XIST: variants seen among roughly 807,000 people sequenced by gnomAD.
XIST encodes the protein X inactive specific transcript (non-protein coding).
At chrX:73,846,437 C>T (rs773533868) in exon 1 of XIST, 1 of 556,721 alleles carries the variant, frequency 1.8e-6, no homozygotes, top group Admixed American at 2.2e-5. Context: ...GCATAGGATC[C>T]CAGACGATTA....
exon 6 of XIST, chrX:73,823,294 C>G (rs757830432): frequency 1.3e-5 from 6 of 477,323 alleles, no homozygotes; most frequent in South Asian, 1.1e-4. Flanking sequence ...TTGAAAGAAA[C>G]TTGCATTTTT....
At chrX:73,844,563 T>C (rs780171186) in exon 1 of XIST, 11 of 557,600 alleles carry the variant, frequency 2.0e-5, no homozygotes, top group South Asian at 1.1e-4. Flanking sequence ...TCACTTACAA[T>C]TGTGCACCTT....
chrX:73,823,947 A>G (rs779513759), exon 6 of XIST: 21 of 553,025 alleles, frequency 3.8e-5, no homozygotes, highest in Non-Finnish European at 6.8e-5. Context: ...CAGTAAGCCA[A>G]TAGTTCATTC....
chrX:73,821,657 T>C (rs1922119017), exon 6 of XIST: 1 of 551,742 alleles, frequency 1.8e-6, no homozygotes, highest in African/African-American at 2.2e-5. Context: ...TAAAACAGGT[T>C]TGACCTTTTC....
exon 1 of XIST, chrX:73,851,207 G>T (rs374734284): frequency 5.4e-6 from 3 of 557,976 alleles, no homozygotes; most frequent in Non-Finnish European, 9.7e-6. Flanking sequence ...GGCAAAACCC[G>T]CCATCTTTAA....
chrX:73,844,103 G>C (rs778646066), exon 1 of XIST: 1 of 558,794 alleles, frequency 1.8e-6, no homozygotes, highest in Non-Finnish European at 3.2e-6. Context: ...CTATTGAAAA[G>C]AGGTGGGGCA....
rs1232380185 is a variant in XIST at position 73,841,508 on chromosome X, A to G, written n.11216T>C. ...GAAACAATATTCTTTTTCAGTTATT[A>G]CAAAGAACTGCTGTTGTGATGACTA... On this transcript the variant is annotated non_coding_transcript_exon_variant, in exon 1 of 6. Transcript: ENST00000429829. 3 of 556,575 alleles carry G rather than the reference A, an allele frequency of 5.4e-6. No homozygotes were observed. The African/African-American group carries it at 6.7e-5, about 12-fold the overall frequency. 45.9% of individuals were successfully genotyped at this position (556,575 alleles called of 1,213,427 possible). A position where few individuals can be genotyped will look rare whatever the true frequency, so the allele number is the denominator to read the frequency against.
exon 1 of XIST, chrX:73,848,146 A>G (rs747221652): frequency 5.4e-6 from 3 of 558,689 alleles, no homozygotes; most frequent in African/African-American, 4.4e-5. Context: ...AGAGGGTGTG[A>G]GCAGTTGGGA....
chrX:73,821,699 A>G, exon 6 of XIST: 1 of 542,305 alleles, frequency 1.8e-6, no homozygotes, highest in Non-Finnish European at 3.3e-6. Context: ...ACCCTCTGTG[A>G]GTGATTTAAA....
exon 6 of XIST, chrX:73,824,728 G>T (rs774239879): frequency 1.8e-6 from 1 of 558,608 alleles, no homozygotes; most frequent in Non-Finnish European, 3.2e-6. Context: ...GTGACTTTCG[G>T]TCTGGATCTC....
At chrX:73,847,812 G>A in exon 1 of XIST, 1 of 558,993 alleles carries the variant, frequency 1.8e-6, no homozygotes, top group South Asian at 2.2e-5. Context: ...AAAAGGGGTA[G>A]AATATAGGTT....
exon 6 of XIST, chrX:73,823,423 A>G: frequency 1.9e-6 from 1 of 513,901 alleles, no homozygotes; most frequent in Non-Finnish European, 3.5e-6. Context: ...TATTATTTAA[A>G]CAATCAAACC....
At chrX:73,840,536 A>C (rs969419246) in intron 1 of XIST, among the ~76,000 whole-genome samples, 2 of 111,844 alleles carry the variant, frequency 1.8e-5, no homozygotes, top group East Asian at 5.6e-4. Context: ...GGAGGAAAGA[A>C]GGTATATAAA....
chrX:73,844,944 G>A (rs758873081), exon 1 of XIST: 14 of 552,068 alleles, frequency 2.5e-5, no homozygotes, highest in Non-Finnish European at 3.3e-5. Flanking sequence ...GTGGGGTGGG[G>A]CAGGGGAGGC....
At chrX:73,848,835 C>A (rs1236524207) in exon 1 of XIST, 1 of 556,200 alleles carries the variant, frequency 1.8e-6, no homozygotes, top group African/African-American at 2.2e-5. Flanking sequence ...GGACTATGGG[C>A]AATTAGTGTT....
exon 6 of XIST, chrX:73,820,976 T>C (rs765110912): frequency 2.0e-5 from 11 of 559,115 alleles, no homozygotes; most frequent in South Asian, 4.4e-5. Flanking sequence ...AAGCAGATGA[T>C]GATAAAATGT....
At chrX:73,839,380 G>T (rs755604897) in intron 1 of XIST, among the ~76,000 whole-genome samples, 13 of 111,482 alleles carry the variant, frequency 1.2e-4, no homozygotes, top group Non-Finnish European at 1.7e-4. Flanking sequence ...TGCCAAAAAA[G>T]TTTCCTTCAT....
exon 6 of XIST, chrX:73,824,392 T>C (rs1191721443): frequency 3.6e-6 from 2 of 548,095 alleles, no homozygotes; most frequent in Non-Finnish European, 6.6e-6. Flanking sequence ...AACAGTTACA[T>C]TTATATGGTG....
exon 1 of XIST, chrX:73,852,195 A>T (rs1343802097): frequency 1.8e-6 from 1 of 543,993 alleles, no homozygotes; most frequent in Non-Finnish European, 3.3e-6. Flanking sequence ...GATGGGCCAG[A>T]GTGTTGGGGG....
Sources: allele counts gnomAD v4.1 joint callset (sites outside exome capture counted in the v4.1 genomes callset), GRCh38; gene constraint gnomAD v4.1.1; transcripts MANE v1.5; gene names NCBI Gene and HGNC (gene_info 2026-07-23, HGNC 2026-07-21).